Variants in MED12 observed in about 807,000 individuals in gnomAD.
MED12 encodes mediator of RNA polymerase II transcription subunit 12.
MED12 carries 10 observed loss-of-function variants against 177.7 expected under a neutral mutation model. That is an observed-to-expected ratio of 0.06 (90% CI 0.03 to 0.10). The LOEUF is 0.10. MED12 is among the 10% of genes least tolerant of loss of function. The probability of loss-of-function intolerance (pLI) is 1.00; values close to 1 mark genes in which losing one functional copy is unlikely to be tolerated. For synonymous variants in MED12, 641 were observed against 678.4 expected (o/e 0.94, Z 0.86); for missense variants, 867 against 1,780.8 (o/e 0.49, Z 9.23).
In MED12 at chrX:71,128,118, T is replaced by A; in HGVS notation, c.3207T>A (p.Asp1069Glu). ...MHVCVGHHDP[D>E]RVNDIAILCA... ...TCTGTGTGGGGCACCATGATCCCGA[T>A]AGGTATGGGGTGTACTGAGTGAGGA... is the stretch of plus-strand genomic sequence containing the variant. Residue 1069 changes from aspartate (D) to glutamate (E), a missense_variant and splice_region_variant, in exon 22 of 45, where the codon GAT (aspartate) becomes GAA (glutamate). Physicochemically the swap from Asp to Glu is conservative, Grantham distance 45 (BLOSUM62 2). Coordinates refer to ENST00000374080, the MANE Select transcript of MED12 (RefSeq NM_005120.3). 8.3e-7 allele frequency: 1 copy of A among 1,207,706 alleles called. No homozygotes were observed. The highest frequency in any genetic ancestry group is 1.1e-6 in the Non-Finnish European group (1 of 892,378).
chrX:71,137,917 T>C lies in MED12; in HGVS notation c.6018T>C (p.Tyr2006=), dbSNP rs2092336746. 8.3e-7 allele frequency: 1 copy of C among 1,209,574 alleles called. No individual in the cohort carries two copies. Among genetic ancestry groups the C allele is most frequent in the Non-Finnish European group, 1.1e-6 (1 of 895,040 alleles). ...ATGTGCACCAGCAGGCCCCCACCTA[T>C]GGACATGGACTGACCTCCACTCAAA... ...SGYVHQQAPT[Y]GHGLTSTQRF... The change falls in exon 41 of 45, where the codon TAT becomes TAC. Residue 2006 remains tyrosine (Y), a synonymous_variant. Coordinates refer to ENST00000374080, the MANE Select transcript of MED12 (RefSeq NM_005120.3).
At position 71,124,182 on chromosome X, in the gene MED12, C is replaced by T. The variant is rs2147789367; in HGVS notation, c.1768C>T (p.Arg590Trp). The change falls in exon 13 of 45, where the codon CGG becomes TGG. Residue 590 changes from arginine (R) to tryptophan (W), a missense_variant. Physicochemically the swap from Arg to Trp is moderately radical, Grantham distance 101. This residue lies in a region of MED12 where 309 missense variants were observed against 556.3 expected (regional missense o/e 0.56). Transcript: ENST00000374080. Reference protein sequence around the residue: ...MLTDPRSESERVEFFNLVLLF... With the variant: ...MLTDPRSESEWVEFFNLVLLF... ...AGCGGACCCTCGAAGTGAGAGTGAG[C>T]GGGTGGAATTCTTTAACTTAGTACT... 8 of 1,210,263 alleles carry T rather than the reference C, an allele frequency of 6.6e-6. No homozygotes were observed. Among genetic ancestry groups the T allele is most frequent in the Non-Finnish European group, 8.9e-6 (8 of 894,240 alleles).
At chrX:71,127,734 C>T (rs1471391711) in intron 21 of MED12, 159 bp from the exon 22 acceptor site, 7 of 512,007 alleles carry the variant, frequency 1.4e-5, no homozygotes, top group Non-Finnish European at 6.8e-6. Flanking sequence ...CATGTGGTTC[C>T]TTTCCTGCCC....
chrX:71,127,495 C>T lies in MED12; in HGVS notation c.2981+28C>T, dbSNP rs779810726. ...AAGAGAGGTGGAAGGTAAGGGGTAGCGAGTGGGACCTACTCCCTTCTTCCC... is the reference window on the plus strand; with the variant it reads ...AAGAGAGGTGGAAGGTAAGGGGTAGTGAGTGGGACCTACTCCCTTCTTCCC... On this transcript the variant is annotated intron_variant, in intron 21 of 44. Coordinates refer to ENST00000374080, the MANE Select transcript of MED12 (RefSeq NM_005120.3). 2 of 1,181,891 alleles carry T rather than the reference C, an allele frequency of 1.7e-6. No individual in the cohort carries two copies. Among genetic ancestry groups the T allele is most frequent in the South Asian group, 1.8e-5 (1 of 56,452 alleles).
chrX:71,137,165 G>A (rs1308410875), intron 38 of MED12, 22 bp from the exon 39 acceptor site: 2 of 1,207,534 alleles, frequency 1.7e-6, no homozygotes. Flanking sequence ...GAGCCTAGAG[G>A]TCAGCCCACT....
At chrX:71,130,356 G>T (rs1425895174) in intron 28 of MED12, 142 bp downstream of exon 28, 3 of 611,845 alleles carry the variant, frequency 4.9e-6, no homozygotes, top group Non-Finnish European at 7.6e-6. Flanking sequence ...GGTAGCGAGA[G>T]AAACAGCTCC....
Position 71,141,222 on chromosome X carries a change from T to TC in MED12, c.6268-7dup. The stretch of plus-strand genomic sequence containing the variant: ...GCTCCTTCTGAAGTATCTTTTGTGT[T>TC]CTTATAGCAGCAGCAGCAACAGCAA... On this transcript the variant is annotated splice_region_variant and splice_polypyrimidine_tract_variant and intron_variant, in intron 42 of 44. Transcript: ENST00000374080. 2 of 1,155,899 alleles carry TC rather than the reference T, an allele frequency of 1.7e-6. No homozygotes were observed. Among genetic ancestry groups the TC allele is most frequent in the African/African-American group, 3.8e-5 (2 of 52,669 alleles).
At chrX:71,119,531 C>G (rs2147772462) in intron 2 of MED12, 54 bp downstream of exon 2, 4 of 1,114,285 alleles carry the variant, frequency 3.6e-6, no homozygotes, top group Non-Finnish European at 4.9e-6. Flanking sequence ...TAAGAAGGAG[C>G]AAAGGCCCTG....
rs966195679 is a variant in MED12 at position 71,130,204 on chromosome X, G to T, written c.4037G>T (p.Arg1346Leu). 3.3e-6 allele frequency: 4 copies of T among 1,204,951 alleles called. No homozygotes were observed. Among genetic ancestry groups the T allele is most frequent in the Non-Finnish European group, 4.5e-6 (4 of 892,493 alleles). ...AACCCCCAGCGGCAGCGCATAAAGC[G>T]CATTCTCCAGGTAGGCCAAGGCCGT... ...GENPQRQRIKRILQNLDQWTM... is the reference protein window; with the variant it reads ...GENPQRQRIKLILQNLDQWTM... The change falls in exon 28 of 45, where the codon CGC (arginine) becomes CTC (leucine). Residue 1346 changes from arginine to leucine, a missense_variant. Arg to Leu is a moderately radical substitution (Grantham distance 102). Coordinates refer to ENST00000374080, the MANE Select transcript of MED12 (RefSeq NM_005120.3).
intron 31 of MED12, 144 bp from the exon 32 acceptor site, chrX:71,132,701 T>C: frequency 1.2e-6 from 1 of 836,882 alleles, no homozygotes; most frequent in South Asian, 2.3e-5. Context: ...AAGAGAGTAG[T>C]CTGGAGAATG....
intron 31 of MED12, 108 bp downstream of exon 31, chrX:71,132,646 A>C: frequency 3.0e-6 from 3 of 998,427 alleles, no homozygotes; most frequent in Non-Finnish European, 4.1e-6. Flanking sequence ...AAAGTGGAAA[A>C]TCAGAGGATA....
chrX:71,140,689 G>A lies in MED12; in HGVS notation c.6099G>A (p.Met2033Ile). Residue 2033 changes from methionine to isoleucine, a missense_variant, in exon 42 of 45, where the codon ATG (methionine) becomes ATA (isoleucine). Around this residue, in one of 14 missense-constraint regions of MED12, gnomAD observed 236 missense variants for 345.2 expected, o/e 0.68. Transcript: ENST00000374080. ...QTPMISTMTP[M>I]SAQGVQAGVR... is the part of the protein sequence containing the mutation. Reference sequence around the variant, plus strand: ...CCATGATAAGTACCATGACTCCAATGAGTGCCCAGGGCGTCCAGGCAGGCG... The same window carrying A: ...CCATGATAAGTACCATGACTCCAATAAGTGCCCAGGGCGTCCAGGCAGGCG... The A allele has an allele frequency of 8.3e-7, 1 of 1,210,745 alleles. No individual in the cohort carries two copies. The highest frequency in any genetic ancestry group is 3.0e-5 in the East Asian group (1 of 33,814).
chrX:71,134,245 AAAAAAAC>A, intron 33 of MED12, 105 bp from the exon 34 acceptor site: 1 of 451,656 alleles, frequency 2.2e-6, no homozygotes. Context: ...AAAAAAAAAA[AAAAAAAC>A]TCAAGCATGA....
intron 5 of MED12, 47 bp downstream of exon 5, chrX:71,121,199 T>C (rs1383173573): frequency 8.3e-7 from 1 of 1,201,927 alleles, no homozygotes; most frequent in East Asian, 3.0e-5. Context: ...GAGCTTGAAC[T>C]TGTACTCTGC....
At chrX:71,129,288 C>T (rs768389356) in intron 25 of MED12, 28 bp from the exon 26 acceptor site, 3 of 1,167,050 alleles carry the variant, frequency 2.6e-6, no homozygotes, top group Non-Finnish European at 3.5e-6. Flanking sequence ...TCTACTTTTG[C>T]TTCCCCTGAC....
rs1474992258 is a variant in MED12 at position 71,124,860 on chromosome X, A to C, written c.2055+16A>C. 1.7e-6 allele frequency: 2 copies of C among 1,195,300 alleles called. No individual in the cohort carries two copies. The highest frequency in any genetic ancestry group is 5.9e-5 in the East Asian group (2 of 33,693). On this transcript the variant is annotated intron_variant, in intron 14 of 44. Transcript: ENST00000374080. ...TGATTTCTCAGTAAGTTCAATCCTG[A>C]GCGTGGCAGAATCTGGATCCTTGGA...
chrX:71,125,802 C>T, intron 17 of MED12, 89 bp downstream of exon 17: 1 of 867,686 alleles, frequency 1.2e-6, no homozygotes, highest in Non-Finnish European at 1.7e-6. Context: ...CCTTTAAGGT[C>T]CACATAGTCT....
rs187446418 is a variant in MED12, at chrX:71,139,072, C to T, written c.6044+1129C>T. On this transcript the variant is annotated intron_variant, in intron 41 of 44. Transcript: ENST00000374080. Reference sequence around the variant, plus strand: ...AAAAAAACCCCCACGATACATAGTTCCTCACTACAAAGAATCTTTACTATA... The same window carrying T: ...AAAAAAACCCCCACGATACATAGTTTCTCACTACAAAGAATCTTTACTATA... Among the ~76,000 whole-genome samples the T allele has an allele frequency of 3.6e-5, 4 of 112,152 alleles. No homozygotes were observed. The Admixed American group carries it at 3.8e-4, about 11-fold the overall frequency.
intron 28 of MED12, 106 bp downstream of exon 28, chrX:71,130,320 C>A: frequency 1.2e-6 from 1 of 852,979 alleles, no homozygotes; most frequent in Non-Finnish European, 1.7e-6. Flanking sequence ...GAGAGGAAGA[C>A]AAACAAGGAT....
Sources: gnomAD v4.1 joint callset for allele counts (sites outside exome capture counted in the v4.1 genomes callset) on GRCh38, gnomAD v4.1.1 for gene constraint, gnomAD v4.1.1 regional missense constraint, MANE v1.5 for transcripts, NCBI Gene and HGNC (gene_info 2026-07-23, HGNC 2026-07-21) for gene names.